PTPRA: variants seen among roughly 807,000 people sequenced by gnomAD.
The protein encoded by PTPRA is protein tyrosine phosphatase receptor type A.
In PTPRA, 25 loss-of-function variants were observed where a neutral mutation model predicts 104.8. The ratio of observed to expected loss-of-function variants is 0.24; its 90% CI spans 0.17 to 0.33. The LOEUF is 0.33. PTPRA is among the 10% of genes least tolerant of loss of function. The pLI is 1.00. For synonymous variants in PTPRA, 323 were observed against 368.9 expected (o/e 0.88, Z 1.43); for missense variants, 765 against 1,015.3 (o/e 0.75, Z 3.35).
intron 1 of PTPRA, among the ~76,000 whole-genome samples, chr20:2,880,730 A>G (rs1326213242): frequency 1.3e-5 from 2 of 152,170 alleles, no homozygotes; most frequent in African/African-American, 2.4e-5. Context: ...TTTTAATCGT[A>G]TGTAGAACCC....
At chr20:2,953,287 C>T (rs2061412734) in intron 3 of PTPRA, among the ~76,000 whole-genome samples, 1 of 151,802 alleles carries the variant, frequency 6.6e-6, no homozygotes, top group Admixed American at 6.6e-5. Flanking sequence ...CAGAGTCTCA[C>T]TCTGTCACCC....
intron 7 of PTPRA, 74 bp from the exon 8 acceptor site, chr20:2,987,958 G>A (rs1431271656): frequency 1.5e-6 from 2 of 1,314,306 alleles, no homozygotes; most frequent in Non-Finnish European, 2.2e-6. Flanking sequence ...GAATTGATGA[G>A]CAGGAATACA....
chr20:2,979,149 C>A (rs910868084), intron 6 of PTPRA, among the ~76,000 whole-genome samples: 1 of 152,192 alleles, frequency 6.6e-6, no homozygotes, highest in Non-Finnish European at 1.5e-5. Flanking sequence ...CCCTAAAACC[C>A]CATGCCCTGG....
intron 1 of PTPRA, among the ~76,000 whole-genome samples, chr20:2,875,588 G>A (rs527489385): frequency 4.5e-4 from 68 of 152,268 alleles, no homozygotes; most frequent in African/African-American, 1.5e-3. Flanking sequence ...TGTAGGACAG[G>A]TGGATATAAA....
chr20:2,864,422 C>T, the PTPRA span: 4 of 1,614,162 alleles, frequency 2.5e-6, no homozygotes, highest in Non-Finnish European at 3.4e-6. This position sits in a 1 kb window ranked among gnomAD's most constrained non-coding sequence, Gnocchi z 5.2. Context: ...TTTTTCATGA[C>T]CCTTCGGAAT....
At position 3,035,741 on chromosome 20, in the gene PTPRA, C is replaced by T. The variant is rs754508430; in HGVS notation, c.2046+31C>T. 1.9e-6 allele frequency: 3 copies of T among 1,614,040 alleles called. No homozygotes were observed. Among genetic ancestry groups the T allele is most frequent in the African/African-American group, 1.3e-5 (1 of 74,938 alleles). On this transcript the variant is annotated intron_variant, in intron 21 of 23. Transcript: ENST00000399903. This position sits in a 1 kb window ranked among gnomAD's most constrained non-coding sequence, Gnocchi z 5.8. The stretch of plus-strand genomic sequence containing the variant: ...ATGGGTCGTGGGTGGACTCTGCCCA[C>T]AGGAAAAGCAGGGTTACCCCTGCCT...
intron 1 of PTPRA, among the ~76,000 whole-genome samples, chr20:2,875,053 A>G (rs955564335): frequency 2.0e-5 from 3 of 151,980 alleles, no homozygotes; most frequent in African/African-American, 7.3e-5. Context: ...CCACCTTTCT[A>G]TCTCCCGTGG....
At position 2,977,772 on chromosome 20, in the gene PTPRA, T is replaced by A. The variant is rs201393024; in HGVS notation, c.442+2531T>A. ...TAAGCATCAAGGAGTCCAGAAAAAA[T>A]TTTATATATAAATATATATAAAATA... On this transcript the variant is annotated intron_variant, in intron 6 of 23. Transcript: ENST00000399903. Among the ~76,000 whole-genome samples, 5 of 145,536 alleles carry A rather than the reference T, an allele frequency of 3.4e-5. No homozygotes were observed. In the South Asian group the frequency reaches 8.5e-4, roughly 25 times the overall value.
chr20:3,035,947 G>GC lies in PTPRA; in HGVS notation c.2198+7dup. On this transcript the variant is annotated splice_region_variant and intron_variant, in intron 22 of 23. Coordinates refer to ENST00000399903, the MANE Select transcript of PTPRA (RefSeq NM_001385305.1). The surrounding 1 kb of genome is among the most constrained non-coding windows in gnomAD (Gnocchi z 5.8). ...CCCATCACCGTGCACTGCAGGTATGGCTCACCCTTGCCCTCAGCGGGAGAG... is the reference window on the plus strand; with the variant it reads ...CCCATCACCGTGCACTGCAGGTATGGCCTCACCCTTGCCCTCAGCGGGAGAG... 6.2e-7 allele frequency: 1 copy of GC among 1,613,348 alleles called. No homozygotes were observed. The highest frequency in any genetic ancestry group is 1.1e-5 in the South Asian group (1 of 91,048).
chr20:2,868,618 CTTTTTTTTTT>C (rs56081198), upstream of PTPRA, among the ~76,000 whole-genome samples: 6 of 45,210 alleles, frequency 1.3e-4, no homozygotes, highest in South Asian at 1.0e-3. Context: ...TCATTCTGGG[CTTTTTTTTTT>C]TTTTTTTTTT....
chr20:3,004,157 A>G (rs1204600718), intron 9 of PTPRA, among the ~76,000 whole-genome samples: 1 of 152,196 alleles, frequency 6.6e-6, no homozygotes, highest in Admixed American at 6.5e-5. Context: ...AGCTGGGGTT[A>G]CAGGTGTGCA....
At chr20:2,935,886 G>A (rs1289006659) in intron 2 of PTPRA, among the ~76,000 whole-genome samples, 1 of 152,180 alleles carries the variant, frequency 6.6e-6, no homozygotes, top group African/African-American at 2.4e-5. Context: ...GCGTGGCTGT[G>A]CATGCCTATG....
intron 3 of PTPRA, among the ~76,000 whole-genome samples, chr20:2,959,972 A>G (rs917070268): frequency 1.3e-5 from 2 of 152,064 alleles, no homozygotes; most frequent in Admixed American, 6.6e-5. Context: ...GAAAGAAAAT[A>G]TAGAGCATTC....
chr20:2,917,762 G>A (rs568009571), intron 1 of PTPRA, among the ~76,000 whole-genome samples: 31 of 152,092 alleles, frequency 2.0e-4, no homozygotes, highest in African/African-American at 3.1e-4. Flanking sequence ...GCTTGAGCCT[G>A]GGAGTTAGAC....
intron 1 of PTPRA, among the ~76,000 whole-genome samples, chr20:2,900,147 T>C (rs200770872): frequency 7.1e-6 from 1 of 140,050 alleles, no homozygotes; most frequent in Non-Finnish European, 1.5e-5. Flanking sequence ...TCTGCCTCCT[T>C]TTTTTTTTTC....
chr20:2,880,411 C>CAGAG (rs1215984241), intron 1 of PTPRA, among the ~76,000 whole-genome samples: 6 of 152,176 alleles, frequency 3.9e-5, no homozygotes, highest in Admixed American at 3.3e-4. Context: ...CTGCAGTGAG[C>CAGAG]AGAGACATAT....
At chr20:2,977,015 C>T (rs2062459926) in intron 6 of PTPRA, among the ~76,000 whole-genome samples, 3 of 152,174 alleles carry the variant, frequency 2.0e-5, no homozygotes, top group Non-Finnish European at 2.9e-5. Flanking sequence ...CAGTGGCTCA[C>T]GCCTGTAATC....
the PTPRA span, among the ~76,000 whole-genome samples, chr20:2,868,233 T>C: frequency 6.6e-6 from 1 of 151,558 alleles, no homozygotes; most frequent in Non-Finnish European, 1.5e-5. Flanking sequence ...TTACGTGGTG[T>C]CACATCTGCT....
intron 1 of PTPRA, among the ~76,000 whole-genome samples, chr20:2,896,566 T>G (rs1168249018): frequency 6.6e-6 from 1 of 152,198 alleles, no homozygotes; most frequent in Non-Finnish European, 1.5e-5. Context: ...GTAATTTTTC[T>G]GAATCATTTG....
Sources: allele counts gnomAD v4.1 joint callset (sites outside exome capture counted in the v4.1 genomes callset), GRCh38; gene constraint gnomAD v4.1.1; non-coding constraint Gnocchi (gnomAD v3.1); transcripts MANE v1.5; gene names NCBI Gene and HGNC (gene_info 2026-07-23, HGNC 2026-07-21).